The following PCDHA5 variants were observed in gnomAD, a reference collection of about 807,000 sequenced individuals.
PCDHA5 encodes the protein protocadherin alpha 5.
In PCDHA5, 43 loss-of-function variants were observed where a neutral mutation model predicts 61.6. That is an observed-to-expected ratio of 0.70 (90% CI 0.55 to 0.90). The LOEUF (loss-of-function observed/expected upper bound fraction) is 0.90, where lower values mean the gene tolerates loss of function less well. PCDHA5 is among the 40% of genes least tolerant of loss of function. PCDHA5 has a pLI of 0.00. For missense variants in PCDHA5, 1,298 were observed against 1,222.7 expected, an observed-to-expected ratio of 1.06 and a Z score of -0.92; for synonymous variants, 627 against 543.9, an observed-to-expected ratio of 1.15 and a Z score of -2.13.
chr5:140,836,424 C>T (rs2150260544), intron 1 of PCDHA5: 2 of 1,613,814 alleles, frequency 1.2e-6, no homozygotes, highest in Non-Finnish European at 1.7e-6. Flanking sequence ...GGCGTCGTCG[C>T]GGGCATCGTT....
chr5:140,948,573 G>A (rs892818051), intron 1 of PCDHA5, among the ~76,000 whole-genome samples: 1 of 151,448 alleles, frequency 6.6e-6, no homozygotes, highest in Non-Finnish European at 1.5e-5. Flanking sequence ...ATTTTTTAAA[G>A]GATTTGTCAG....
In PCDHA5 at chr5:140,870,510, A is replaced by G. The variant is rs185967358; in HGVS notation, c.2352+46383A>G. On this transcript the variant is annotated intron_variant, in intron 1 of 3. Transcript: ENST00000529859. ...TGTTCGTGAAGGAGAACAACCCACCAGGCTGCCACATCTTCACAGTGTCGG... is the reference window on the plus strand; with the variant it reads ...TGTTCGTGAAGGAGAACAACCCACCGGGCTGCCACATCTTCACAGTGTCGG... 4.8e-3 allele frequency: 7,668 copies of G among 1,614,220 alleles called. 19 individuals carry two copies. The highest frequency in any genetic ancestry group is 5.8e-3 in the Non-Finnish European group (6,886 of 1,180,042).
intron 1 of PCDHA5, chr5:140,869,094 T>C (rs2050847018): frequency 6.3e-7 from 1 of 1,592,284 alleles, no homozygotes; most frequent in Non-Finnish European, 8.6e-7. Context: ...GGAAGCCAAT[T>C]TCGTATGCGA....
In PCDHA5 at chr5:140,843,721, T is replaced by C. The variant is rs2150365557; in HGVS notation, c.2352+19594T>C. 8 of 1,563,020 alleles carry C rather than the reference T, an allele frequency of 5.1e-6. 1 individual carries two copies. Among genetic ancestry groups the C allele is most frequent in the Non-Finnish European group, 7.0e-6 (8 of 1,139,046 alleles). On this transcript the variant is annotated intron_variant, in intron 1 of 3. Coordinates refer to ENST00000529859, the MANE Select transcript of PCDHA5 (RefSeq NM_018908.3). ...ATGTTGATCATGGCCTCAAAGTAAG[T>C]CCATTTAAATTTAGAACTCATAAAT...
rs1422788962 is a variant in PCDHA5, at chr5:140,847,584, A to G, written c.2352+23457A>G. ...GCCCCGAGTACTAAGGATGAGCAAT[A>G]ATGAAATTAAAACATATTGTAATAA... On this transcript the variant is annotated intron_variant, in intron 1 of 3. Coordinates refer to ENST00000529859, the MANE Select transcript of PCDHA5 (RefSeq NM_018908.3). The G allele has an allele frequency of 1.1e-4, 16 of 149,668 alleles. No homozygotes were observed. In the Admixed American group the frequency reaches 1.1e-3, roughly 10 times the overall value. 9.3% of individuals were successfully genotyped at this position (149,668 alleles called of 1,614,324 possible).
intron 1 of PCDHA5, chr5:140,849,716 G>A (rs2150446385): frequency 1.3e-6 from 2 of 1,598,596 alleles, no homozygotes; most frequent in Non-Finnish European, 1.7e-6. Flanking sequence ...ACTACTCGTT[G>A]GTGCTGGACA....
At position 140,843,005 on chromosome 5, in the gene PCDHA5, G is replaced by C; in HGVS notation, c.2352+18878G>C. On this transcript the variant is annotated intron_variant, in intron 1 of 3. Transcript: ENST00000529859. ...GTTCGTGCTGGACGAGAATGACAAC[G>C]CGCCGGCACTGCTGGAGCCTCGGGT... The C allele has an allele frequency of 5.0e-6, 8 of 1,595,030 alleles. 1 individual carries two copies. The highest frequency in any genetic ancestry group is 1.1e-5 in the South Asian group (1 of 90,516).
chr5:140,999,363 A>G (rs772527438), intron 3 of PCDHA5, among the ~76,000 whole-genome samples: 1 of 152,198 alleles, frequency 6.6e-6, no homozygotes, highest in Non-Finnish European at 1.5e-5. Flanking sequence ...AATGTTCACA[A>G]TCCCATTAGA....
chr5:140,824,150 C>T (rs147799360), intron 1 of PCDHA5, 23 bp downstream of exon 1: 58 of 1,611,190 alleles, frequency 3.6e-5, no homozygotes, highest in Non-Finnish European at 4.2e-5. Context: ...ATATTAACAT[C>T]CATCTTTCCC....
intron 1 of PCDHA5, chr5:140,852,727 G>C: frequency 1.0e-6 from 1 of 983,528 alleles, no homozygotes; most frequent in South Asian, 4.8e-5. Flanking sequence ...CGTTTTTCAA[G>C]TTTCATGTGC....
chr5:140,985,021 T>A (rs2097132867), intron 3 of PCDHA5, among the ~76,000 whole-genome samples: 1 of 151,956 alleles, frequency 6.6e-6, no homozygotes, highest in African/African-American at 2.4e-5. Flanking sequence ...CACAGCAACC[T>A]CTGCCTCCTG....
At chr5:140,946,660 A>T (rs2094005518) in intron 1 of PCDHA5, among the ~76,000 whole-genome samples, 1 of 146,900 alleles carries the variant, frequency 6.8e-6, no homozygotes, top group African/African-American at 2.6e-5. Context: ...GCCATTAGAA[A>T]GAATGAAATC....
At chr5:140,933,265 A>G (rs2088994304) in intron 1 of PCDHA5, among the ~76,000 whole-genome samples, 1 of 152,000 alleles carries the variant, frequency 6.6e-6, no homozygotes, top group East Asian at 1.9e-4. Context: ...AGGTTATTAT[A>G]TATTCATTTG....
At position 140,929,021 on chromosome 5, in the gene PCDHA5, G is replaced by C. The variant is rs782118774; in HGVS notation, c.2353-49928G>C. On this transcript the variant is annotated intron_variant, in intron 1 of 3. Coordinates refer to ENST00000529859, the MANE Select transcript of PCDHA5 (RefSeq NM_018908.3). ...TTCGTGTGTACCAAGTTGCACCAGA[G>C]CCCAGGCTGTTGCGCTCAGAGCTGC... is the stretch of plus-strand genomic sequence containing the variant. The C allele has an allele frequency of 2.5e-6, 4 of 1,614,072 alleles. No individual in the cohort carries two copies. The African/African-American group carries it at 5.3e-5, about 22-fold the overall frequency.
chr5:140,861,341 A>C (rs1554154533), intron 1 of PCDHA5: 1 of 280,406 alleles, frequency 3.6e-6, no homozygotes, highest in African/African-American at 2.2e-5. Context: ...GGAAGAGGCC[A>C]AGGACGGCAC....
intron 1 of PCDHA5, chr5:140,853,623 A>G: frequency 1.0e-6 from 1 of 988,442 alleles, no homozygotes; most frequent in Non-Finnish European, 1.2e-6. Context: ...AAATAAGTAT[A>G]CAAGATCACA....
chr5:140,967,192 C>T (rs2096111456), intron 1 of PCDHA5: 1 of 1,613,408 alleles, frequency 6.2e-7, no homozygotes, highest in South Asian at 1.1e-5. Context: ...TGGACATCAA[C>T]GACAACTCAC....
intron 1 of PCDHA5, among the ~76,000 whole-genome samples, chr5:140,974,980 G>A (rs149148015): frequency 2.4e-4 from 36 of 152,208 alleles, no homozygotes; most frequent in Non-Finnish European, 5.0e-4. Context: ...TGAGTTGTCC[G>A]CTCAGGTATT....
intron 1 of PCDHA5, chr5:140,834,135 T>G: frequency 4.1e-6 from 2 of 483,320 alleles, no homozygotes; most frequent in Middle Eastern, 5.3e-4. Context: ...TTTCATCTGA[T>G]TAATAGTTTG....
Sources: gnomAD v4.1 joint callset for allele counts (sites outside exome capture counted in the v4.1 genomes callset) on GRCh38, gnomAD v4.1.1 for gene constraint, MANE v1.5 for transcripts, NCBI Gene and HGNC (gene_info 2026-07-23, HGNC 2026-07-21) for gene names.